Variants in AFDN observed in about 807,000 individuals in gnomAD.
AFDN encodes afadin, adherens junction formation factor.
AFDN carries 68 observed loss-of-function variants against 216.6 expected under a neutral mutation model. The ratio of observed to expected loss-of-function variants is 0.31; its 90% CI spans 0.26 to 0.38. AFDN has a LOEUF of 0.38. Among genes scored for constraint, AFDN ranks in the 10% least tolerant of loss-of-function variants. The probability of loss-of-function intolerance (pLI) is 1.00; values close to 1 mark genes in which losing one functional copy is unlikely to be tolerated. For synonymous variants in AFDN, 868 were observed against 853.7 expected, an observed-to-expected ratio of 1.02 and a Z score of -0.29; for missense variants, 2,136 against 2,342.0, an observed-to-expected ratio of 0.91 and a Z score of 1.82.
chr6:167,960,334 G>C (rs1300125261), intron 30 of AFDN, among the ~76,000 whole-genome samples: 1 of 152,188 alleles, frequency 6.6e-6, no homozygotes, highest in Non-Finnish European at 1.5e-5. Flanking sequence ...CCGCATTCCA[G>C]ATTTAGAAGA....
In AFDN at chr6:167,859,184, G is replaced by A. The variant is rs553267268; in HGVS notation, c.106-5367G>A. On this transcript the variant is annotated intron_variant, in intron 1 of 33. Coordinates refer to ENST00000683244, the MANE Select transcript of AFDN (RefSeq NM_001386888.1). The stretch of plus-strand genomic sequence containing the variant: ...TCAAATAGTGTTCTTGAAGTATTAG[G>A]ATTTAAAAATAGTGTTCATAGAAAA... 2.6e-5 allele frequency among the ~76,000 whole-genome samples: 4 copies of A among 151,240 alleles called. No individual in the cohort carries two copies. The South Asian group carries it at 8.4e-4, about 32-fold the overall frequency.
chr6:167,847,153 G>C (rs952801843), intron 1 of AFDN, among the ~76,000 whole-genome samples: 7 of 151,868 alleles, frequency 4.6e-5, no homozygotes, highest in African/African-American at 1.7e-4. Flanking sequence ...TTTATCTTCT[G>C]ATGCAGCAGC....
At chr6:167,920,896 C>T (rs1340386642) in intron 21 of AFDN, among the ~76,000 whole-genome samples, 5 of 152,180 alleles carry the variant, frequency 3.3e-5, no homozygotes, top group African/African-American at 9.7e-5. Context: ...GTCTTCCCCA[C>T]ACTTAACATG....
chr6:167,880,478 T>A lies in AFDN; in HGVS notation c.858T>A (p.Gly286=). Residue 286 remains glycine, a synonymous_variant, in exon 6 of 34, where the codon GGT becomes GGA. Transcript: ENST00000683244. The stretch of plus-strand genomic sequence containing the variant: ...TGGCTGAAGCTTTAGAGAAGTATGG[T>A]CTGGAAAAAGAAAACCCTAAGGATT... ...FAVAEALEKY[G]LEKENPKDYC... 1 of 1,613,832 alleles carries A rather than the reference T, an allele frequency of 6.2e-7. No individual in the cohort carries two copies. Among genetic ancestry groups the A allele is most frequent in the Middle Eastern group, 1.7e-4 (1 of 6,058 alleles).
chr6:167,851,008 C>T (rs968480741), intron 1 of AFDN, among the ~76,000 whole-genome samples: 2 of 152,118 alleles, frequency 1.3e-5, no homozygotes, highest in African/African-American at 4.8e-5. Context: ...GATTCTCCTG[C>T]CTCCTGCATT....
chr6:167,925,194 A>C, intron 23 of AFDN, 103 bp downstream of exon 23: 1 of 802,062 alleles, frequency 1.2e-6, no homozygotes, highest in Non-Finnish European at 2.1e-6. Context: ...ACCTGTGTAT[A>C]ACGTGCCTGT....
At chr6:167,838,862 C>T (rs1170996075) in intron 1 of AFDN, among the ~76,000 whole-genome samples, 1 of 152,166 alleles carries the variant, frequency 6.6e-6, no homozygotes, top group Non-Finnish European at 1.5e-5. Context: ...CACATATTAG[C>T]CTACCTGATA....
Position 167,862,276 on chromosome 6 carries a change from C to G in AFDN, c.106-2275C>G, listed in dbSNP as rs537958069. Among the ~76,000 whole-genome samples the G allele has an allele frequency of 2.0e-5, 3 of 152,286 alleles. No homozygotes were observed. The South Asian group carries it at 6.2e-4, about 32-fold the overall frequency. ...GCGTAGGACGTGGTCAGCACAGTAC[C>G]TGGCACATAGGCGGTGAGCGTGGCC... On this transcript the variant is annotated intron_variant, in intron 1 of 33. Coordinates refer to ENST00000683244, the MANE Select transcript of AFDN (RefSeq NM_001386888.1).
chr6:167,970,770 A>G lies in AFDN; in HGVS notation c.*835A>G. Reference sequence around the variant, plus strand: ...CTTCGCTCCAAGGCGTCTGTAAAAGAAGATATCTTTATTGGAGCAATGTTC... The same window carrying G: ...CTTCGCTCCAAGGCGTCTGTAAAAGGAGATATCTTTATTGGAGCAATGTTC... On this transcript the variant is annotated 3_prime_UTR_variant, in exon 34 of 34. Coordinates refer to ENST00000683244, the MANE Select transcript of AFDN (RefSeq NM_001386888.1). 1 of 219,316 alleles carries G rather than the reference A, an allele frequency of 4.6e-6. No homozygotes were observed. Among genetic ancestry groups the G allele is most frequent in the African/African-American group, 2.2e-5 (1 of 44,638 alleles). The allele number at this position is 219,316 out of a possible 1,614,324, so 13.6% of individuals were successfully genotyped here. A position where few individuals can be genotyped will look rare whatever the true frequency, so the allele number is the denominator to read the frequency against.
intron 23 of AFDN, among the ~76,000 whole-genome samples, chr6:167,929,266 A>T (rs1792964250): frequency 6.6e-6 from 1 of 152,074 alleles, no homozygotes; most frequent in Non-Finnish European, 1.5e-5. Context: ...TTAACAAAAG[A>T]TATTTACAAA....
chr6:167,835,533 C>A (rs1307602884), intron 1 of AFDN, among the ~76,000 whole-genome samples: 1 of 152,140 alleles, frequency 6.6e-6, no homozygotes, highest in Non-Finnish European at 1.5e-5. Flanking sequence ...AAGAAACGTA[C>A]TCAATTTTCA....
chr6:167,962,217 G>A lies in AFDN; in HGVS notation c.4834-216G>A, dbSNP rs1280999934. On this transcript the variant is annotated intron_variant, in intron 30 of 33. Coordinates refer to ENST00000683244, the MANE Select transcript of AFDN (RefSeq NM_001386888.1). The surrounding 1 kb of genome is among the most constrained non-coding windows in gnomAD (Gnocchi z 5.2). Reference sequence around the variant, plus strand: ...ATTAATGGAGGAATAACTGGGATTTGTGGCAACCGTTTTTAGGTAATTTAT... The same window carrying A: ...ATTAATGGAGGAATAACTGGGATTTATGGCAACCGTTTTTAGGTAATTTAT... 2.0e-5 allele frequency among the ~76,000 whole-genome samples: 3 copies of A among 152,206 alleles called. No individual in the cohort carries two copies. The highest frequency in any genetic ancestry group is 2.0e-4 in the Admixed American group (3 of 15,284).
intron 26 of AFDN, among the ~76,000 whole-genome samples, chr6:167,945,086 G>T (rs911382521): frequency 6.6e-6 from 1 of 151,504 alleles, no homozygotes; most frequent in Middle Eastern, 3.4e-3. Context: ...GTAACACTTG[G>T]CTTAAAACAC....
At chr6:167,965,675 A>T (rs1383600742) in intron 31 of AFDN, 82 bp from the exon 32 acceptor site, 4 of 1,296,782 alleles carry the variant, frequency 3.1e-6, no homozygotes, top group Non-Finnish European at 3.1e-6. Flanking sequence ...GATGATGAGG[A>T]TTGTTCCCTT....
chr6:167,887,830 T>C (rs1309307887), intron 6 of AFDN, among the ~76,000 whole-genome samples: 9 of 152,168 alleles, frequency 5.9e-5, no homozygotes, highest in Admixed American at 5.9e-4. Flanking sequence ...AATTATTTAA[T>C]AAATTTTCTC....
chr6:167,853,716 TATA>T (rs1691281916), intron 1 of AFDN, among the ~76,000 whole-genome samples: 1 of 152,084 alleles, frequency 6.6e-6, no homozygotes, highest in African/African-American at 2.4e-5. Flanking sequence ...TGTCTTTTCA[TATA>T]ATAGATGCTT....
chr6:167,956,845 C>T (rs1214007343), intron 30 of AFDN, among the ~76,000 whole-genome samples: 1 of 152,214 alleles, frequency 6.6e-6, no homozygotes, highest in Admixed American at 6.5e-5. Flanking sequence ...CTCTCCTTTT[C>T]CTGCCGGGGT....
rs367594332 is a variant in AFDN at position 167,951,395 on chromosome 6, T to C, written c.4041T>C (p.Pro1347=). 46 of 1,614,010 alleles carry C rather than the reference T, an allele frequency of 2.9e-5. No individual in the cohort carries two copies. The African/African-American group carries it at 5.3e-4, about 19-fold the overall frequency. Residue 1347 remains proline, a synonymous_variant, in exon 30 of 34, where the codon CCT becomes CCC. Transcript: ENST00000683244. The surrounding 1 kb of genome is among the most constrained non-coding windows in gnomAD (Gnocchi z 7.1). ...TPASTLTKSG[P]GRWKTPAAIP... ...CTTCCACACTGACCAAAAGTGGCCC[T>C]GGCCGTTGGAAAACACCAGCAGCCA...
At chr6:167,877,101 T>C (rs984041150) in intron 5 of AFDN, among the ~76,000 whole-genome samples, 4 of 152,086 alleles carry the variant, frequency 2.6e-5, no homozygotes, top group African/African-American at 9.7e-5. Flanking sequence ...AGTGGGACTG[T>C]AAAGAGAGAA....
Sources: gnomAD v4.1 joint callset for allele counts (sites outside exome capture counted in the v4.1 genomes callset) on GRCh38, gnomAD v4.1.1 for gene constraint, Gnocchi (gnomAD v3.1) non-coding constraint, MANE v1.5 for transcripts, NCBI Gene and HGNC (gene_info 2026-07-23, HGNC 2026-07-21) for gene names.